PLEKHH2: variants seen among roughly 807,000 people sequenced by gnomAD.
The protein encoded by PLEKHH2 is pleckstrin homology domain-containing family H member 2.
In PLEKHH2, 129 loss-of-function variants were observed where a neutral mutation model predicts 187.9. The observed-to-expected ratio is 0.69, with a 90% CI of 0.59 to 0.79. PLEKHH2 has a LOEUF of 0.79. PLEKHH2 is among the 30% of genes least tolerant of loss of function. The probability of loss-of-function intolerance (pLI) is 0.00; values close to 1 mark genes in which losing one functional copy is unlikely to be tolerated. For missense variants in PLEKHH2, 2,076 were observed against 1,751.2 expected, an observed-to-expected ratio of 1.19 and a Z score of -3.31; for synonymous variants, 686 against 605.6, an observed-to-expected ratio of 1.13 and a Z score of -1.95.
intron 1 of PLEKHH2, among the ~76,000 whole-genome samples, chr2:43,641,501 A>G (rs375019266): frequency 2.7e-5 from 4 of 149,938 alleles, no homozygotes; most frequent in Non-Finnish European, 5.9e-5. Context: ...TTGTTTTGCA[A>G]TTTTTTTTTT....
intron 25 of PLEKHH2, 112 bp downstream of exon 25, chr2:43,753,872 C>T (rs1672100614): frequency 1.1e-6 from 1 of 923,690 alleles, no homozygotes; most frequent in Non-Finnish European, 1.5e-6. Flanking sequence ...CGTTTTGCTA[C>T]AATTAGCACC....
At chr2:43,758,224 A>G (rs1672291891) in intron 26 of PLEKHH2, among the ~76,000 whole-genome samples, 2 of 152,178 alleles carry the variant, frequency 1.3e-5, no homozygotes, top group Admixed American at 6.5e-5. Flanking sequence ...AAATTCTACC[A>G]TCAGGGATTC....
intron 2 of PLEKHH2, among the ~76,000 whole-genome samples, chr2:43,648,401 A>C (rs1001823859): frequency 5.9e-5 from 9 of 151,886 alleles, no homozygotes; most frequent in South Asian, 2.1e-4. Flanking sequence ...ATTGGCCAGG[A>C]TGGTCTCGAA....
In PLEKHH2 at chr2:43,747,329, C is replaced by T. The variant is rs114452900; in HGVS notation, c.3653+1366C>T. ...TGTTCTCTGAAGAGAGAGAGAGGTA[C>T]TGTGAGGGCACACAACAGTGAGCCT... On this transcript the variant is annotated intron_variant, in intron 24 of 29. Transcript: ENST00000282406. 4.2e-3 allele frequency among the ~76,000 whole-genome samples: 641 copies of T among 152,100 alleles called. 5 individuals are homozygous for T. Among genetic ancestry groups the T allele is most frequent in the African/African-American group, 0.013 (529 of 41,572 alleles).
At chr2:43,695,893 T>C (rs917011413) in intron 6 of PLEKHH2, among the ~76,000 whole-genome samples, 3 of 152,314 alleles carry the variant, frequency 2.0e-5, no homozygotes, top group Non-Finnish European at 4.4e-5. Context: ...TCACACATGC[T>C]GAACACATTA....
intron 2 of PLEKHH2, among the ~76,000 whole-genome samples, chr2:43,648,562 T>TGTGTG (rs1247680717): frequency 1.6e-5 from 1 of 61,032 alleles, no homozygotes; most frequent in Non-Finnish European, 3.6e-5. Context: ...ATTACATTCG[T>TGTGTG]GTGTGTGTGT....
intron 3 of PLEKHH2, among the ~76,000 whole-genome samples, chr2:43,690,194 C>A (rs140169652): frequency 6.6e-6 from 1 of 152,318 alleles, no homozygotes; most frequent in African/African-American, 2.4e-5. Context: ...CCTGCTTGGG[C>A]AGTTTTGCAT....
chr2:43,638,506 G>A (rs180677870), intron 1 of PLEKHH2, among the ~76,000 whole-genome samples: 5 of 152,288 alleles, frequency 3.3e-5, no homozygotes, highest in African/African-American at 1.2e-4. Flanking sequence ...TTTATCTTAT[G>A]TCAGTAAATA....
intron 24 of PLEKHH2, among the ~76,000 whole-genome samples, chr2:43,748,830 T>C (rs2060172): frequency 0.33 from 50,335 of 151,756 alleles, 8,830 homozygotes; most frequent in Middle Eastern, 0.45. Context: ...GATCTCAGCT[T>C]ACTGCAACCT....
rs181327147 is a variant in PLEKHH2 at position 43,698,630 on chromosome 2, C to G, written c.689-1017C>G. Reference sequence around the variant, plus strand: ...TAATAGTGGAGTACAGCTGAGATTGCTTGTACTGATGCTCTTGCTCATTTG... The same window carrying G: ...TAATAGTGGAGTACAGCTGAGATTGGTTGTACTGATGCTCTTGCTCATTTG... On this transcript the variant is annotated intron_variant, in intron 7 of 29. Transcript: ENST00000282406. Among the ~76,000 whole-genome samples the G allele has an allele frequency of 6.2e-4, 95 of 152,232 alleles. 1 individual carries two copies. The highest frequency in any genetic ancestry group is 6.2e-3 in the Admixed American group (95 of 15,294).
At chr2:43,719,443 C>T (rs955109516) in intron 15 of PLEKHH2, among the ~76,000 whole-genome samples, 2 of 151,966 alleles carry the variant, frequency 1.3e-5, no homozygotes, top group African/African-American at 4.8e-5. Context: ...CATCTTCTCA[C>T]TTCTTTTTTG....
intron 17 of PLEKHH2, among the ~76,000 whole-genome samples, chr2:43,728,579 T>TAA (rs374113619): frequency 0.2 from 27,889 of 142,654 alleles, 3,725 homozygotes; most frequent in African/African-American, 0.37. Context: ...TTTTTTTTTT[T>TAA]AAAACAGAGT....
intron 8 of PLEKHH2, among the ~76,000 whole-genome samples, chr2:43,700,994 T>C (rs1336691185): frequency 6.6e-6 from 1 of 152,214 alleles, no homozygotes; most frequent in African/African-American, 2.4e-5. Flanking sequence ...TTTTCCAGTT[T>C]TTAGGATAAA....
chr2:43,682,054 T>G (rs1668221751), intron 3 of PLEKHH2, among the ~76,000 whole-genome samples: 1 of 152,046 alleles, frequency 6.6e-6, no homozygotes, highest in Non-Finnish European at 1.5e-5. Context: ...CTCCACCCAC[T>G]TCCCCTGCCC....
intron 4 of PLEKHH2, among the ~76,000 whole-genome samples, chr2:43,693,723 C>CAAAAAAAAAAAAAAAAAA (rs70965316): frequency 7.2e-5 from 5 of 69,664 alleles, no homozygotes; most frequent in African/African-American, 1.3e-4. Context: ...GACTCCATCT[C>CAAAAAAAAAAAAAAAAAA]AAAAAAAAAA....
chr2:43,734,739 C>G (rs1022713550), intron 19 of PLEKHH2, among the ~76,000 whole-genome samples: 2 of 152,202 alleles, frequency 1.3e-5, no homozygotes, highest in African/African-American at 4.8e-5. Flanking sequence ...ATCCAGCAGT[C>G]TCACTGGGAG....
intron 8 of PLEKHH2, 90 bp downstream of exon 8, chr2:43,700,698 G>C: frequency 6.8e-7 from 1 of 1,467,908 alleles, no homozygotes; most frequent in Non-Finnish European, 9.1e-7. Context: ...TGTCGCCCAA[G>C]CTGGAGTGCA....
intron 2 of PLEKHH2, among the ~76,000 whole-genome samples, chr2:43,655,587 G>A (rs1336863520): frequency 6.6e-6 from 1 of 152,278 alleles, no homozygotes; most frequent in African/African-American, 2.4e-5. Context: ...CCATAGAATG[G>A]AAAAATGGCA....
At chr2:43,688,829 A>G (rs999178220) in intron 3 of PLEKHH2, among the ~76,000 whole-genome samples, 2 of 152,174 alleles carry the variant, frequency 1.3e-5, no homozygotes, top group Non-Finnish European at 2.9e-5. Context: ...CCTCCCATCA[A>G]TGTGTGACAA....
Sources: gnomAD v4.1 joint callset for allele counts (sites outside exome capture counted in the v4.1 genomes callset) on GRCh38, gnomAD v4.1.1 for gene constraint, MANE v1.5 for transcripts, NCBI Gene and HGNC (gene_info 2026-07-23, HGNC 2026-07-21) for gene names.